The following RAB11FIP4 variants were observed in gnomAD, a reference collection of about 807,000 sequenced individuals.
RAB11FIP4 encodes the protein RAB11 family interacting protein 4, also known as rab11 family-interacting protein 4.
Under a neutral mutation model 74.3 loss-of-function variants are expected in RAB11FIP4, and 23 were observed. That is an observed-to-expected ratio of 0.31 (90% confidence interval 0.22 to 0.44). RAB11FIP4 has a LOEUF of 0.44. RAB11FIP4 is among the 20% of genes least tolerant of loss of function. The pLI, the probability that RAB11FIP4 is intolerant of heterozygous loss-of-function variation, is 1.00. For synonymous variants in RAB11FIP4, 360 were observed against 359.9 expected (o/e 1.00, Z 0.00); for missense variants, 630 against 863.9 (o/e 0.73, Z 3.39).
At chr17:31,529,957 G>A (rs1340831983) in intron 13 of RAB11FIP4, among the ~76,000 whole-genome samples, 1 of 152,224 alleles carries the variant, frequency 6.6e-6, no homozygotes, top group Non-Finnish European at 1.5e-5. Context: ...AAGGAAATGA[G>A]CTGGCCAGCC....
intron 3 of RAB11FIP4, among the ~76,000 whole-genome samples, chr17:31,476,693 G>T (rs1048407248): frequency 6.6e-6 from 1 of 152,206 alleles, no homozygotes; most frequent in Non-Finnish European, 1.5e-5. Flanking sequence ...CACCCCATGA[G>T]CAGCCTGCCT....
In RAB11FIP4 at chr17:31,409,736, T is replaced by C. The variant is rs9898486; in HGVS notation, c.159+17725T>C. ...CCTCCAACACAGGGTGTTGTACTGG[T>C]ACACAGTACTGGGTTTATAGTGTGT... is the stretch of plus-strand genomic sequence containing the variant. On this transcript the variant is annotated intron_variant, in intron 1 of 14. Transcript: ENST00000621161. Among the ~76,000 whole-genome samples, 1,057 of 152,294 alleles carry C rather than the reference T, an allele frequency of 6.9e-3. 14 individuals carry two copies. Among genetic ancestry groups the C allele is most frequent in the African/African-American group, 0.024 (1,008 of 41,562 alleles).
chr17:31,487,455 C>T (rs2071916869), intron 3 of RAB11FIP4, among the ~76,000 whole-genome samples: 1 of 146,896 alleles, frequency 6.8e-6, no homozygotes, highest in Admixed American at 6.8e-5. Context: ...AGGAAGGGTC[C>T]TCTCCTTTTT....
chr17:31,434,899 T>C (rs558134717), intron 3 of RAB11FIP4, among the ~76,000 whole-genome samples: 3 of 152,260 alleles, frequency 2.0e-5, no homozygotes, highest in South Asian at 4.1e-4. Flanking sequence ...GTTCAAGAAT[T>C]TGTAGGCCTG....
intron 3 of RAB11FIP4, among the ~76,000 whole-genome samples, chr17:31,510,774 G>A (rs1567684210): frequency 2.0e-5 from 3 of 152,154 alleles, no homozygotes; most frequent in Non-Finnish European, 2.9e-5. Context: ...GAGCCACGGT[G>A]GGTAGAGGGA....
chr17:31,517,174 G>A (rs2072567403), intron 3 of RAB11FIP4, among the ~76,000 whole-genome samples: 1 of 136,388 alleles, frequency 7.3e-6, no homozygotes. Context: ...AAAAGGTTGG[G>A]GGGCGAGGAG....
At position 31,521,193 on chromosome 17, in the gene RAB11FIP4, G is replaced by A. The variant is rs764863044; in HGVS notation, c.591G>A (p.Thr197=). 4 of 1,605,026 alleles carry A rather than the reference G, an allele frequency of 2.5e-6. No homozygotes were observed. Among genetic ancestry groups the A allele is most frequent in the Non-Finnish European group, 3.4e-6 (4 of 1,174,462 alleles). ...CCCTGGTCCACACTCCATCCATGAC[G>A]ACCTCAGACCTTTCTACACACTCCA... The part of the protein sequence containing the change: ...DKSLVHTPSM[T]TSDLSTHSTT... Residue 197 remains threonine, a synonymous_variant, in exon 5 of 15, where the codon ACG becomes ACA. Coordinates refer to ENST00000621161, the MANE Select transcript of RAB11FIP4 (RefSeq NM_032932.6).
chr17:31,462,429 G>A (rs765984020), intron 3 of RAB11FIP4, among the ~76,000 whole-genome samples: 3 of 152,240 alleles, frequency 2.0e-5, no homozygotes, highest in Middle Eastern at 3.4e-3. Flanking sequence ...GAAAGGGTCT[G>A]GAGTATCCGC....
rs568026485 is a variant in RAB11FIP4 at position 31,464,104 on chromosome 17, G to A, written c.336+29982G>A. Among the ~76,000 whole-genome samples the A allele has an allele frequency of 3.3e-5, 5 of 152,070 alleles. No individual in the cohort carries two copies. In the South Asian group the frequency reaches 6.2e-4, roughly 19 times the overall value. Reference sequence around the variant, plus strand: ...GCTAGGATTATAGGCGTGAGCCGCCGGGCCCAGCCTCTTCTCCCCATTTGT... The same window carrying A: ...GCTAGGATTATAGGCGTGAGCCGCCAGGCCCAGCCTCTTCTCCCCATTTGT... On this transcript the variant is annotated intron_variant, in intron 3 of 14. Coordinates refer to ENST00000621161, the MANE Select transcript of RAB11FIP4 (RefSeq NM_032932.6).
At chr17:31,394,198 A>G (rs954889486) in intron 1 of RAB11FIP4, among the ~76,000 whole-genome samples, 2 of 152,246 alleles carry the variant, frequency 1.3e-5, no homozygotes, top group Non-Finnish European at 2.9e-5. Flanking sequence ...CCTATCTCTC[A>G]GGCAGCGCCT....
chr17:31,535,828 C>T lies in RAB11FIP4; in HGVS notation c.*4096C>T, dbSNP rs2072949223. On this transcript the variant is annotated 3_prime_UTR_variant, in exon 15 of 15. Coordinates refer to ENST00000621161, the MANE Select transcript of RAB11FIP4 (RefSeq NM_032932.6). ...GCAGGGAACTGACAGGTGGGGCTGT[C>T]CCCCTGAAAGCAGCCGCAGAAACAG... The T allele has an allele frequency of 6.6e-6, 1 of 152,276 alleles. No homozygotes were observed. Among genetic ancestry groups the T allele is most frequent in the Non-Finnish European group, 1.5e-5 (1 of 68,092 alleles). The allele number at this position is 152,276 out of a possible 1,614,324, so 9.4% of individuals were successfully genotyped here.
chr17:31,487,377 T>G (rs1403374068), intron 3 of RAB11FIP4, among the ~76,000 whole-genome samples: 1 of 152,182 alleles, frequency 6.6e-6, no homozygotes, highest in Non-Finnish European at 1.5e-5. Context: ...CTCGGCCACT[T>G]TGTCTGAGCC....
intron 3 of RAB11FIP4, among the ~76,000 whole-genome samples, chr17:31,502,187 G>C (rs926342732): frequency 1.3e-5 from 2 of 150,814 alleles, no homozygotes; most frequent in African/African-American, 4.9e-5. Context: ...TGGTGCCATC[G>C]CACTCTGGCC....
intron 1 of RAB11FIP4, among the ~76,000 whole-genome samples, chr17:31,399,095 C>T (rs532265283): frequency 1.2e-3 from 187 of 152,118 alleles, no homozygotes; most frequent in South Asian, 3.7e-3. Context: ...GAGTGTAGGG[C>T]GGAGGGCTCC....
chr17:31,521,087 G>C (rs2072655509), intron 4 of RAB11FIP4, 79 bp from the exon 5 acceptor site: 2 of 1,149,692 alleles, frequency 1.7e-6, no homozygotes, highest in Non-Finnish European at 2.4e-6. Flanking sequence ...AAAGGGAAAT[G>C]CCTGTCAGTT....
Position 31,503,926 on chromosome 17 carries a change from A to G in RAB11FIP4, c.337-13725A>G, listed in dbSNP as rs1455568716. On this transcript the variant is annotated intron_variant, in intron 3 of 14. Coordinates refer to ENST00000621161, the MANE Select transcript of RAB11FIP4 (RefSeq NM_032932.6). Reference sequence around the variant, plus strand: ...TAGACATTTCTGTTATATGTAATTTATATAAATGGAAAACAGGCATATGAA... The same window carrying G: ...TAGACATTTCTGTTATATGTAATTTGTATAAATGGAAAACAGGCATATGAA... 2.0e-5 allele frequency among the ~76,000 whole-genome samples: 3 copies of G among 149,800 alleles called. 1 individual carries two copies. Among genetic ancestry groups the G allele is most frequent in the Non-Finnish European group, 4.4e-5 (3 of 68,044 alleles).
chr17:31,406,366 G>A (rs2151617401), intron 1 of RAB11FIP4, among the ~76,000 whole-genome samples: 1 of 152,352 alleles, frequency 6.6e-6, no homozygotes, highest in African/African-American at 2.4e-5. Context: ...TAGACACTGT[G>A]TGGGTGGAAT....
chr17:31,499,722 C>T (rs148887632), intron 3 of RAB11FIP4, among the ~76,000 whole-genome samples: 122 of 152,296 alleles, frequency 8.0e-4, no homozygotes, highest in Non-Finnish European at 1.2e-3. Context: ...CTGTAAAGCA[C>T]AGAGCAGACT....
At chr17:31,522,525 C>G in intron 7 of RAB11FIP4, 130 bp downstream of exon 7, 2 of 843,254 alleles carry the variant, frequency 2.4e-6, no homozygotes, top group Non-Finnish European at 3.8e-6. Context: ...GGAACGAGGC[C>G]ATCCCAGGGC....
Sources: allele counts gnomAD v4.1 joint callset (sites outside exome capture counted in the v4.1 genomes callset), GRCh38; gene constraint gnomAD v4.1.1; transcripts MANE v1.5; gene names NCBI Gene and HGNC (gene_info 2026-07-23, HGNC 2026-07-21).